The following B3GAT2 variants were observed in gnomAD, a reference collection of about 807,000 sequenced individuals.
The protein encoded by B3GAT2 is beta-1,3-glucuronyltransferase 2, also known as galactosylgalactosylxylosylprotein 3-beta-glucuronosyltransferase 2.
In B3GAT2, 26 loss-of-function variants were observed where a neutral mutation model predicts 27.8. The ratio of observed to expected loss-of-function variants is 0.93; its 90% confidence interval spans 0.68 to 1.30. The LOEUF (loss-of-function observed/expected upper bound fraction) is 1.30. Among genes scored for constraint, B3GAT2 ranks in the 50% most tolerant of loss-of-function variants. The probability of loss-of-function intolerance (pLI) is 0.00; values close to 1 mark genes in which losing one functional copy is unlikely to be tolerated. For synonymous variants in B3GAT2, 218 were observed against 195.1 expected (o/e 1.12, Z -0.98); for missense variants, 458 against 459.0 (o/e 1.00, Z 0.02).
chr6:70,883,295 A>G (rs1437167937), intron 2 of B3GAT2, among the ~76,000 whole-genome samples: 13 of 152,218 alleles, frequency 8.5e-5, no homozygotes, highest in Admixed American at 5.2e-4. Flanking sequence ...AACATTATTC[A>G]CAGTAGCCAA....
rs542915319 is a variant in B3GAT2, at chr6:70,940,238, T to C, written c.591+15601A>G. On this transcript the variant is annotated intron_variant, in intron 1 of 3. Coordinates refer to ENST00000230053, the MANE Select transcript of B3GAT2 (RefSeq NM_080742.3). ...CTGGACTAAATAAGCTTTAGAATGT[T>C]TTTATTAATGAAAACTTAAGCAATG... is the stretch of plus-strand genomic sequence containing the variant. 4.6e-5 allele frequency among the ~76,000 whole-genome samples: 7 copies of C among 152,232 alleles called. No individual in the cohort carries two copies. The South Asian group carries it at 1.5e-3, about 32-fold the overall frequency.
chr6:70,898,167 T>C (rs538257373), intron 1 of B3GAT2, among the ~76,000 whole-genome samples: 2 of 152,352 alleles, frequency 1.3e-5, no homozygotes, highest in African/African-American at 4.8e-5. Flanking sequence ...GAGATTGCAT[T>C]GAATCTATAT....
intron 2 of B3GAT2, among the ~76,000 whole-genome samples, chr6:70,882,979 A>G (rs1204836579): frequency 1.3e-5 from 2 of 152,240 alleles, no homozygotes; most frequent in Non-Finnish European, 2.9e-5. Flanking sequence ...AATGGCCACG[A>G]AGCACATGAA....
chr6:70,921,008 G>A (rs971196764), intron 1 of B3GAT2, among the ~76,000 whole-genome samples: 6 of 152,108 alleles, frequency 3.9e-5, no homozygotes, highest in East Asian at 1.9e-4. Context: ...TAGCCTCATC[G>A]GAATCCCTTT....
In B3GAT2 at chr6:70,860,259, C is replaced by G. The variant is rs569520907; in HGVS notation, c.*1404G>C. 6.2e-7 allele frequency: 1 copy of G among 1,613,562 alleles called. No individual in the cohort carries two copies. Among genetic ancestry groups the G allele is most frequent in the East Asian group, 2.2e-5 (1 of 44,852 alleles). On this transcript the variant is annotated 3_prime_UTR_variant, in exon 4 of 4. Transcript: ENST00000230053. Reference sequence around the variant, plus strand: ...GTGCAACCCCTACTGCAGGTTTTGGCCAGCCCTCCAGCACAACAGCAGGAT... The same window carrying G: ...GTGCAACCCCTACTGCAGGTTTTGGGCAGCCCTCCAGCACAACAGCAGGAT...
intron 1 of B3GAT2, among the ~76,000 whole-genome samples, chr6:70,919,199 C>A (rs1772826507): frequency 6.6e-6 from 1 of 152,192 alleles, no homozygotes; most frequent in Admixed American, 6.5e-5. Flanking sequence ...GCTATTGAAG[C>A]TTGTGTATGT....
chr6:70,932,862 T>G (rs1026231345), intron 1 of B3GAT2, among the ~76,000 whole-genome samples: 1 of 152,148 alleles, frequency 6.6e-6, no homozygotes, highest in African/African-American at 2.4e-5. Context: ...AGTGTAGTGG[T>G]GCAATCATAG....
chr6:70,928,798 G>A (rs1773008441), intron 1 of B3GAT2, among the ~76,000 whole-genome samples: 1 of 151,948 alleles, frequency 6.6e-6, no homozygotes, highest in Admixed American at 6.6e-5. Context: ...ATAAAACAGT[G>A]TGGTGATTCC....
chr6:70,897,669 A>AT (rs1772412707), intron 1 of B3GAT2, among the ~76,000 whole-genome samples: 2 of 105,532 alleles, frequency 1.9e-5, no homozygotes, highest in South Asian at 3.3e-4. Context: ...AAAAAAAAAA[A>AT]AATATATATA....
chr6:70,938,513 G>C (rs901814789), intron 1 of B3GAT2, among the ~76,000 whole-genome samples: 15 of 140,646 alleles, frequency 1.1e-4, no homozygotes, highest in Non-Finnish European at 1.7e-4. Context: ...ATACTACAAG[G>C]CTACAGTAAC....
rs149781809 is a variant in B3GAT2 at position 70,869,327 on chromosome 6, G to A, written c.737-7349C>T. 4.3e-3 allele frequency among the ~76,000 whole-genome samples: 659 copies of A among 152,214 alleles called. 3 individuals are homozygous for A. Among genetic ancestry groups the A allele is most frequent in the African/African-American group, 0.015 (630 of 41,540 alleles). ...CGCTCCATCTGGTGATGACATTATT[G>A]TAGTTTTATAAGTTTTCAAATTGGG... is the stretch of plus-strand genomic sequence containing the variant. On this transcript the variant is annotated intron_variant, in intron 2 of 3. Coordinates refer to ENST00000230053, the MANE Select transcript of B3GAT2 (RefSeq NM_080742.3).
At chr6:70,910,033 C>A (rs972467011) in intron 1 of B3GAT2, among the ~76,000 whole-genome samples, 4 of 142,954 alleles carry the variant, frequency 2.8e-5, no homozygotes, top group Non-Finnish European at 6.3e-5. Flanking sequence ...ACCACCACAC[C>A]CGGCTAATTT....
chr6:70,867,647 A>G (rs1163476918), intron 2 of B3GAT2, among the ~76,000 whole-genome samples: 4 of 152,174 alleles, frequency 2.6e-5, no homozygotes, highest in African/African-American at 7.2e-5. Flanking sequence ...CCCTGTATCA[A>G]ATAAATTAAG....
chr6:70,893,226 G>T (rs890505650), intron 2 of B3GAT2, among the ~76,000 whole-genome samples: 2 of 152,130 alleles, frequency 1.3e-5, no homozygotes, highest in Non-Finnish European at 2.9e-5. Context: ...TCAGAAGACA[G>T]CCTCCATCCC....
intron 1 of B3GAT2, among the ~76,000 whole-genome samples, chr6:70,935,772 C>T (rs1765262693): frequency 1.3e-5 from 2 of 152,148 alleles, no homozygotes; most frequent in Admixed American, 1.3e-4. Context: ...TGGAAAGGCA[C>T]AACCGGTACC....
chr6:70,897,356 T>A (rs918615651), intron 1 of B3GAT2, among the ~76,000 whole-genome samples: 2 of 152,358 alleles, frequency 1.3e-5, no homozygotes, highest in Admixed American at 6.5e-5. Flanking sequence ...TATAACAGTG[T>A]CTTTTGAAAA....
At chr6:70,922,444 A>C (rs1772885456) in intron 1 of B3GAT2, among the ~76,000 whole-genome samples, 1 of 152,174 alleles carries the variant, frequency 6.6e-6, no homozygotes, top group African/African-American at 2.4e-5. Context: ...CATATGCAGG[A>C]ATATAAAGTA....
intron 1 of B3GAT2, among the ~76,000 whole-genome samples, chr6:70,896,662 G>A (rs1218243096): frequency 6.6e-6 from 1 of 152,166 alleles, no homozygotes; most frequent in Non-Finnish European, 1.5e-5. Context: ...GTATGTGAAT[G>A]TGTGTATGTG....
chr6:70,912,896 T>C (rs1772710359), intron 1 of B3GAT2, among the ~76,000 whole-genome samples: 1 of 152,192 alleles, frequency 6.6e-6, no homozygotes, highest in Non-Finnish European at 1.5e-5. Flanking sequence ...TGTTCAGTCT[T>C]GGGAGACTGT....
Sources: gnomAD v4.1 joint callset for allele counts (sites outside exome capture counted in the v4.1 genomes callset) on GRCh38, gnomAD v4.1.1 for gene constraint, MANE v1.5 for transcripts, NCBI Gene and HGNC (gene_info 2026-07-23, HGNC 2026-07-21) for gene names.